RBFOX1: variants seen among roughly 807,000 people sequenced by gnomAD.
The protein encoded by RBFOX1 is RNA binding fox-1 homolog 1, also known as RNA binding protein fox-1 homolog 1.
Under a neutral mutation model 57.7 loss-of-function variants are expected in RBFOX1, and 8 were observed. The observed-to-expected ratio is 0.14, with a 90% CI of 0.08 to 0.25. The LOEUF is 0.25. RBFOX1 is among the 10% of genes least tolerant of loss of function. RBFOX1 has a pLI of 1.00. For synonymous variants in RBFOX1, 326 were observed against 222.4 expected (o/e 1.47, Z -4.15); for missense variants, 611 against 548.5 (o/e 1.11, Z -1.14).
intron 2 of RBFOX1, among the ~76,000 whole-genome samples, chr16:6,402,110 C>T (rs2093095654): frequency 6.6e-6 from 1 of 150,580 alleles, no homozygotes; most frequent in African/African-American, 2.4e-5. Context: ...AAAAAAAAAG[C>T]ATTTTCTTGT....
chr16:6,258,130 T>C (rs2097680044), intron 1 of RBFOX1, among the ~76,000 whole-genome samples: 1 of 152,174 alleles, frequency 6.6e-6, no homozygotes. Flanking sequence ...TTTGTAACGT[T>C]TTATTTATTT....
chr16:6,689,865 G>C (rs1398785668), intron 3 of RBFOX1, among the ~76,000 whole-genome samples: 1 of 152,190 alleles, frequency 6.6e-6, no homozygotes, highest in African/African-American at 2.4e-5. Context: ...ATTTGTCTCT[G>C]AATGTGGTTT....
chr16:7,089,407 TAA>T (rs56754682), intron 4 of RBFOX1, among the ~76,000 whole-genome samples: 9 of 151,878 alleles, frequency 5.9e-5, no homozygotes, highest in African/African-American at 1.9e-4. Flanking sequence ...TTTTAAGCAT[TAA>T]AAAAAAGTAG....
At chr16:6,837,371 T>C (rs1352584773) in intron 3 of RBFOX1, among the ~76,000 whole-genome samples, 1 of 152,184 alleles carries the variant, frequency 6.6e-6, no homozygotes, top group Non-Finnish European at 1.5e-5. Flanking sequence ...AGTTCTTGGG[T>C]TCTCCGCAAT....
At chr16:6,863,575 T>G (rs2059377065) in intron 3 of RBFOX1, among the ~76,000 whole-genome samples, 1 of 151,154 alleles carries the variant, frequency 6.6e-6, no homozygotes, top group Non-Finnish European at 1.5e-5. Context: ...ACATTAAAGA[T>G]GTGATCTGTT....
At chr16:7,042,706 A>T (rs942140426) in intron 3 of RBFOX1, among the ~76,000 whole-genome samples, 1 of 152,210 alleles carries the variant, frequency 6.6e-6, no homozygotes, top group Non-Finnish European at 1.5e-5. Flanking sequence ...CGGGCGGATC[A>T]TTTGAGGTCA....
chr16:6,770,201 G>C (rs190103885), intron 3 of RBFOX1, among the ~76,000 whole-genome samples: 1 of 152,138 alleles, frequency 6.6e-6, no homozygotes, highest in Non-Finnish European at 1.5e-5. Context: ...GCAGTCATGG[G>C]TGAGAACTAC....
At chr16:5,952,342 G>T (rs1021420249) in intron 4 of RBFOX1, among the ~76,000 whole-genome samples, 2 of 151,918 alleles carry the variant, frequency 1.3e-5, no homozygotes, top group Non-Finnish European at 2.9e-5. Context: ...GTAGAGATGG[G>T]GTTTCACCAT....
chr16:6,457,807 T>C (rs2094814115), intron 2 of RBFOX1, among the ~76,000 whole-genome samples: 1 of 152,138 alleles, frequency 6.6e-6, no homozygotes, highest in South Asian at 2.1e-4. Context: ...TGTGTGCAGC[T>C]AGGTGTTACA....
intron 3 of RBFOX1, among the ~76,000 whole-genome samples, chr16:5,699,453 A>G (rs1324728840): frequency 1.3e-5 from 2 of 148,730 alleles, no homozygotes; most frequent in Admixed American, 6.7e-5. Context: ...GAGACAGTAG[A>G]TTGTTCTATT....
At chr16:7,457,245 G>T (rs1277794196) in intron 4 of RBFOX1, among the ~76,000 whole-genome samples, 3 of 152,046 alleles carry the variant, frequency 2.0e-5, no homozygotes, top group African/African-American at 7.2e-5. Context: ...AGTGGCTCCA[G>T]ATATCCAGGA....
intron 4 of RBFOX1, among the ~76,000 whole-genome samples, chr16:5,956,710 C>T (rs2059650913): frequency 1.5e-5 from 2 of 136,368 alleles, no homozygotes; most frequent in South Asian, 4.5e-4. Context: ...ATCCTGTCAC[C>T]CAGGCTGGAG....
chr16:6,001,399 A>C (rs1319783512), intron 4 of RBFOX1, among the ~76,000 whole-genome samples: 1 of 152,196 alleles, frequency 6.6e-6, no homozygotes, highest in South Asian at 2.1e-4. Context: ...GAGCTCTGCA[A>C]TGTAATATTT....
At chr16:5,921,343 G>A (rs1754694148) in intron 4 of RBFOX1, among the ~76,000 whole-genome samples, 1 of 152,134 alleles carries the variant, frequency 6.6e-6, no homozygotes, top group African/African-American at 2.4e-5. Context: ...CCCTTGGAGG[G>A]ATAGCAATTT....
intron 3 of RBFOX1, among the ~76,000 whole-genome samples, chr16:6,663,614 T>C (rs8057809): frequency 0.54 from 81,071 of 150,570 alleles, 22,929 homozygotes; most frequent in African/African-American, 0.64. Context: ...CAGAGGCTGC[T>C]GTGAGCGCCC....
chr16:6,684,511 T>G (rs2059140587), intron 3 of RBFOX1, among the ~76,000 whole-genome samples: 1 of 152,190 alleles, frequency 6.6e-6, no homozygotes, highest in Non-Finnish European at 1.5e-5. Flanking sequence ...TTGTGCCATC[T>G]TAGAAATTGC....
chr16:7,455,291 A>T (rs1029547397), intron 4 of RBFOX1, among the ~76,000 whole-genome samples: 1 of 152,076 alleles, frequency 6.6e-6, no homozygotes, highest in Non-Finnish European at 1.5e-5. Context: ...CACCCTCCCT[A>T]TATTGAGAAG....
intron 5 of RBFOX1, among the ~76,000 whole-genome samples, chr16:7,534,139 T>A (rs1421263768): frequency 6.8e-6 from 1 of 146,722 alleles, no homozygotes; most frequent in Admixed American, 7.1e-5. Flanking sequence ...CAGGCTGGAG[T>A]GCAGTGGCTC....
intron 1 of RBFOX1, among the ~76,000 whole-genome samples, chr16:6,127,151 A>G (rs2096595673): frequency 6.6e-6 from 1 of 152,104 alleles, no homozygotes; most frequent in Non-Finnish European, 1.5e-5. Flanking sequence ...GAGAAACTGG[A>G]AGGATGTCAA....
Sources: allele counts gnomAD v4.1 joint callset (sites outside exome capture counted in the v4.1 genomes callset), GRCh38; gene constraint gnomAD v4.1.1; transcripts MANE v1.5; gene names NCBI Gene and HGNC (gene_info 2026-07-23, HGNC 2026-07-21).